Variants in GOT1 observed in about 807,000 individuals in gnomAD.
The protein encoded by GOT1 is aspartate aminotransferase, cytoplasmic.
Under a neutral mutation model 48.2 loss-of-function variants are expected in GOT1, and 25 were observed. The observed-to-expected ratio is 0.52, with a 90% CI of 0.38 to 0.72. GOT1 has a LOEUF of 0.72. Among genes scored for constraint, GOT1 ranks in the 30% least tolerant of loss-of-function variants. GOT1 has a pLI of 0.00. For missense variants in GOT1, 380 were observed against 520.1 expected (o/e 0.73, Z 2.62); for synonymous variants, 188 against 193.8 (o/e 0.97, Z 0.25).
At chr10:99,410,190 A>G (rs1281250056) in intron 2 of GOT1, among the ~76,000 whole-genome samples, 1 of 152,154 alleles carries the variant, frequency 6.6e-6, no homozygotes, top group African/African-American at 2.4e-5. Context: ...CTTTATGCAA[A>G]TTGCTACCAA....
intron 2 of GOT1, chr10:99,420,349 C>A: frequency 2.8e-6 from 1 of 352,412 alleles, no homozygotes; most frequent in Non-Finnish European, 5.2e-6. Flanking sequence ...TTTATCACTC[C>A]ATTAAATTCT....
chr10:99,408,949 C>T (rs1275524232), intron 2 of GOT1, among the ~76,000 whole-genome samples: 1 of 151,874 alleles, frequency 6.6e-6, no homozygotes, highest in African/African-American at 2.4e-5. Context: ...AATAATCCAG[C>T]TTTCGTGGAG....
intron 1 of GOT1, among the ~76,000 whole-genome samples, chr10:99,421,051 C>A (rs1406463207): frequency 6.6e-6 from 1 of 152,156 alleles, no homozygotes; most frequent in Non-Finnish European, 1.5e-5. Flanking sequence ...AACTATGTGA[C>A]CTCCAAAAAG....
chr10:99,403,661 T>A, intron 6 of GOT1, 27 bp from the exon 7 acceptor site: 8 of 1,613,912 alleles, frequency 5.0e-6, no homozygotes, highest in Non-Finnish European at 6.8e-6. Context: ...GAATCAGCTG[T>A]GGCTGCTGAA....
intron 5 of GOT1, among the ~76,000 whole-genome samples, chr10:99,405,066 A>C (rs2032736181): frequency 6.6e-6 from 1 of 152,180 alleles, no homozygotes; most frequent in South Asian, 2.1e-4. Context: ...ACAGCATCAC[A>C]GCTGCCTTAG....
intron 3 of GOT1, 72 bp downstream of exon 3, chr10:99,406,654 T>C (rs1325569633): frequency 1.4e-6 from 2 of 1,467,610 alleles, no homozygotes; most frequent in East Asian, 2.3e-5. Flanking sequence ...ATTTTCTGTG[T>C]AACCAGGGAG....
At chr10:99,413,582 A>G (rs1048400110) in intron 2 of GOT1, among the ~76,000 whole-genome samples, 4 of 152,198 alleles carry the variant, frequency 2.6e-5, no homozygotes, top group African/African-American at 7.2e-5. Context: ...TTCAGGAAAT[A>G]CAGAGAATGC....
At chr10:99,417,339 T>C (rs1235447297) in intron 2 of GOT1, among the ~76,000 whole-genome samples, 1 of 152,190 alleles carries the variant, frequency 6.6e-6, no homozygotes, top group Non-Finnish European at 1.5e-5. Flanking sequence ...ATGCTCATCA[T>C]CACTGGCCAT....
intron 7 of GOT1, 151 bp downstream of exon 7, chr10:99,403,318 C>T (rs1011845489): frequency 1.5e-6 from 1 of 665,800 alleles, no homozygotes; most frequent in African/African-American, 1.8e-5. Flanking sequence ...GATATCAGCC[C>T]CTGTTTTACA....
intron 6 of GOT1, 31 bp from the exon 7 acceptor site, chr10:99,403,665 T>C: frequency 6.2e-7 from 1 of 1,613,888 alleles, no homozygotes; most frequent in Non-Finnish European, 8.5e-7. Flanking sequence ...CAGCTGTGGC[T>C]GCTGAAGCAG....
At chr10:99,419,790 C>T (rs921477057) in intron 2 of GOT1, among the ~76,000 whole-genome samples, 5 of 152,152 alleles carry the variant, frequency 3.3e-5, no homozygotes, top group Non-Finnish European at 5.9e-5. Context: ...GTCCCGGCCT[C>T]GCTCACACAT....
chr10:99,405,578 CA>C (rs1189381695), intron 5 of GOT1, among the ~76,000 whole-genome samples, 177 bp downstream of exon 5: 2 of 150,590 alleles, frequency 1.3e-5, no homozygotes, highest in African/African-American at 2.4e-5. Context: ...TTCTATCTAC[CA>C]AAACATTAAC....
At chr10:99,402,823 G>C in intron 7 of GOT1, 101 bp from the exon 8 acceptor site, 1 of 973,262 alleles carries the variant, frequency 1.0e-6, no homozygotes, top group Admixed American at 1.9e-5. Context: ...AGCTGACAAT[G>C]GGATCATAAC....
At chr10:99,406,648 T>C in intron 3 of GOT1, 78 bp downstream of exon 3, 1 of 1,431,474 alleles carries the variant, frequency 7.0e-7, no homozygotes, top group Non-Finnish European at 9.8e-7. Flanking sequence ...GATTACATTT[T>C]CTGTGTAACC....
intron 7 of GOT1, among the ~76,000 whole-genome samples, 171 bp downstream of exon 7, chr10:99,403,298 G>T (rs536539972): frequency 6.6e-6 from 1 of 152,130 alleles, no homozygotes; most frequent in Non-Finnish European, 1.5e-5. Flanking sequence ...TGTTATGCAC[G>T]TGTGAGGTAG....
intron 2 of GOT1, among the ~76,000 whole-genome samples, chr10:99,416,160 T>C (rs1168783414): frequency 6.6e-6 from 1 of 152,194 alleles, no homozygotes; most frequent in African/African-American, 2.4e-5. Flanking sequence ...TTGTCCCTGT[T>C]TGCAGATGAC....
At chr10:99,399,614 AT>A (rs11313874) in intron 8 of GOT1, among the ~76,000 whole-genome samples, 5,100 of 152,052 alleles carry the variant, frequency 0.034, 303 homozygotes, top group African/African-American at 0.12. Context: ...CTACAAAAAA[AT>A]CTTAAAAATT....
In GOT1 at chr10:99,420,704, T is replaced by C. The variant is rs371642078; in HGVS notation, c.220A>G (p.Ile74Val). The change falls in exon 2 of 9, where the codon ATC (isoleucine) becomes GTC (valine). Residue 74 changes from isoleucine (I) to valine (V), a missense_variant. Physicochemically the swap from Ile to Val is conservative, Grantham distance 29 (BLOSUM62 3). Coordinates refer to ENST00000370508, the MANE Select transcript of GOT1 (RefSeq NM_002079.3). ...CTCCGGAACTCAGCCAGGCCCAGGA[T>C]TGGCAGATACTCGTGATTTAGGCTA... ...DNSLNHEYLP[I>V]LGLAEFRSCA... is the part of the protein sequence containing the mutation. The C allele has an allele frequency of 5.7e-5, 92 of 1,613,958 alleles. No homozygotes were observed. Among genetic ancestry groups the C allele is most frequent in the African/African-American group, 8.0e-5 (6 of 75,022 alleles).
chr10:99,407,317 A>T (rs17491012), intron 2 of GOT1, among the ~76,000 whole-genome samples: 8,528 of 152,308 alleles, frequency 0.056, 359 homozygotes, highest in Middle Eastern at 0.1. Context: ...TGTCATTGAC[A>T]TCAATCTGTG....
Sources: allele counts gnomAD v4.1 joint callset (sites outside exome capture counted in the v4.1 genomes callset), GRCh38; gene constraint gnomAD v4.1.1; transcripts MANE v1.5; gene names NCBI Gene and HGNC (gene_info 2026-07-23, HGNC 2026-07-21).